CADPS2: variants seen among roughly 807,000 people sequenced by gnomAD.
CADPS2 encodes the protein calcium-dependent secretion activator 2.
A neutral mutation model predicts 172.5 loss-of-function variants in CADPS2; 93 were observed. That is an observed-to-expected ratio of 0.54 (90% CI 0.46 to 0.64). The LOEUF (loss-of-function observed/expected upper bound fraction) is 0.64. CADPS2 is among the 30% of genes least tolerant of loss of function. CADPS2 has a pLI of 0.00. For missense variants in CADPS2, 1,420 were observed against 1,565.9 expected (o/e 0.91, Z 1.57); for synonymous variants, 546 against 555.2 (o/e 0.98, Z 0.23).
At chr7:122,740,764 A>G (rs750670575) in intron 1 of CADPS2, among the ~76,000 whole-genome samples, 7 of 152,180 alleles carry the variant, frequency 4.6e-5, no homozygotes, top group Non-Finnish European at 1.0e-4. Flanking sequence ...CTTGCAACTC[A>G]TTACCCAAAG....
chr7:122,624,148 G>C (rs2075859723), intron 4 of CADPS2, among the ~76,000 whole-genome samples: 1 of 152,084 alleles, frequency 6.6e-6, no homozygotes, highest in South Asian at 2.1e-4. Context: ...GCCTGCTTGT[G>C]TTGTCCCTCA....
At chr7:122,603,646 A>G (rs1009541346) in intron 6 of CADPS2, among the ~76,000 whole-genome samples, 3 of 152,158 alleles carry the variant, frequency 2.0e-5, no homozygotes, top group Non-Finnish European at 2.9e-5. Context: ...ACAGATATAA[A>G]TAGCCATAGT....
At chr7:122,871,841 T>C (rs1819836361) in intron 1 of CADPS2, among the ~76,000 whole-genome samples, 1 of 152,136 alleles carries the variant, frequency 6.6e-6, no homozygotes, top group Non-Finnish European at 1.5e-5. Flanking sequence ...TACATCTGGC[T>C]ACTTCTTCTC....
chr7:122,461,707 G>C (rs778312266), intron 14 of CADPS2, among the ~76,000 whole-genome samples: 16 of 152,130 alleles, frequency 1.1e-4, no homozygotes, highest in Non-Finnish European at 2.4e-4. Flanking sequence ...TGATTCTCCT[G>C]CCTCAGCCTC....
chr7:122,612,085 A>C (rs904023960), intron 6 of CADPS2, among the ~76,000 whole-genome samples: 41 of 152,078 alleles, frequency 2.7e-4, no homozygotes, highest in Non-Finnish European at 5.9e-4. Context: ...TTCTATTAAA[A>C]ATTCAGAGCT....
chr7:122,778,040 G>A (rs1026170492), intron 1 of CADPS2, among the ~76,000 whole-genome samples: 72 of 151,968 alleles, frequency 4.7e-4, no homozygotes, highest in African/African-American at 1.7e-3. Flanking sequence ...AGACTTCGGG[G>A]GCTCAGAAGA....
intron 1 of CADPS2, among the ~76,000 whole-genome samples, chr7:122,807,527 G>T (rs112388365): frequency 6.6e-6 from 1 of 152,156 alleles, no homozygotes; most frequent in South Asian, 2.1e-4. Flanking sequence ...ACCCAGCCTC[G>T]GGAGGCGGCT....
At chr7:122,609,878 T>A (rs914555881) in intron 6 of CADPS2, among the ~76,000 whole-genome samples, 2 of 152,116 alleles carry the variant, frequency 1.3e-5, no homozygotes, top group Non-Finnish European at 2.9e-5. Context: ...TGAGACATAA[T>A]CCACTATGAT....
At chr7:122,497,063 T>G (rs13240083) in intron 9 of CADPS2, among the ~76,000 whole-genome samples, 1 of 152,124 alleles carries the variant, frequency 6.6e-6, no homozygotes. Context: ...CTATTTGTAT[T>G]TATGCAGTGA....
rs557514918 is a variant in CADPS2, at chr7:122,364,978, T to C, written c.3388-3965A>G. Among the ~76,000 whole-genome samples the C allele has an allele frequency of 1.5e-4, 23 of 152,210 alleles. 1 individual carries two copies. In the East Asian group the frequency reaches 3.9e-3, roughly 26 times the overall value. ...TTGACTACAGGATATGGGGTCAGCTTCACTTATGAGTTGGCACAGGAGCTG... is the reference window on the plus strand; with the variant it reads ...TTGACTACAGGATATGGGGTCAGCTCCACTTATGAGTTGGCACAGGAGCTG... On this transcript the variant is annotated intron_variant, in intron 25 of 29. Transcript: ENST00000449022.
At chr7:122,782,402 T>C (rs1184910286) in intron 1 of CADPS2, among the ~76,000 whole-genome samples, 4 of 152,174 alleles carry the variant, frequency 2.6e-5, no homozygotes, top group African/African-American at 9.7e-5. Context: ...ATGTTAAAAA[T>C]TGGCTTTTAA....
intron 4 of CADPS2, among the ~76,000 whole-genome samples, chr7:122,622,215 C>G (rs1267561972): frequency 1.3e-5 from 2 of 152,164 alleles, no homozygotes; most frequent in African/African-American, 4.8e-5. Flanking sequence ...GCATTAAAAA[C>G]TCACATTATT....
chr7:122,502,095 C>T (rs1045627952), intron 9 of CADPS2, among the ~76,000 whole-genome samples: 3 of 152,054 alleles, frequency 2.0e-5, no homozygotes, highest in Non-Finnish European at 4.4e-5. Flanking sequence ...GATCAAAAAT[C>T]ACTAAAGGTG....
chr7:122,499,502 C>T (rs888149447), intron 9 of CADPS2, among the ~76,000 whole-genome samples: 10 of 152,114 alleles, frequency 6.6e-5, no homozygotes, highest in African/African-American at 2.4e-4. Flanking sequence ...TTCGGCATTT[C>T]TAGGTATTGG....
At chr7:122,577,679 G>A (rs1291207183) in intron 7 of CADPS2, among the ~76,000 whole-genome samples, 1 of 152,092 alleles carries the variant, frequency 6.6e-6, no homozygotes, top group African/African-American at 2.4e-5. Flanking sequence ...ATATCTAGGA[G>A]TACAATTTTT....
chr7:122,545,150 G>A (rs1011308257), intron 8 of CADPS2, among the ~76,000 whole-genome samples: 1 of 152,076 alleles, frequency 6.6e-6, no homozygotes, highest in Non-Finnish European at 1.5e-5. Flanking sequence ...ATCTTCATGA[G>A]GCAGAGGGAG....
chr7:122,799,828 T>TTG, intron 1 of CADPS2, among the ~76,000 whole-genome samples: 1 of 152,264 alleles, frequency 6.6e-6, no homozygotes, highest in South Asian at 2.1e-4. Context: ...GTTTGTTCAA[T>TTG]GTCTCATATT....
chr7:122,524,319 T>C (rs999399719), intron 8 of CADPS2, among the ~76,000 whole-genome samples: 18 of 152,008 alleles, frequency 1.2e-4, no homozygotes, highest in African/African-American at 4.3e-4. Context: ...CTTCATTTCC[T>C]TTTTTTTGGA....
At chr7:122,595,243 T>C (rs965620902) in intron 6 of CADPS2, among the ~76,000 whole-genome samples, 6 of 151,764 alleles carry the variant, frequency 4.0e-5, no homozygotes, top group Non-Finnish European at 8.8e-5. Context: ...ATTTAAAATA[T>C]AGGGTTGCAA....
Sources: allele counts gnomAD v4.1 joint callset (sites outside exome capture counted in the v4.1 genomes callset), GRCh38; gene constraint gnomAD v4.1.1; transcripts MANE v1.5; gene names NCBI Gene and HGNC (gene_info 2026-07-23, HGNC 2026-07-21).